Variants in MAP3K13 observed in about 807,000 individuals in gnomAD.
The protein encoded by MAP3K13 is mitogen-activated protein kinase kinase kinase 13.
A neutral mutation model predicts 104.0 loss-of-function variants in MAP3K13; 52 were observed. The ratio of observed to expected loss-of-function variants is 0.50; its 90% confidence interval spans 0.40 to 0.63. MAP3K13 has a LOEUF of 0.63. MAP3K13 is among the 20% of genes least tolerant of loss of function. The pLI is 0.00. For missense variants in MAP3K13, 914 were observed against 1,218.5 expected, an observed-to-expected ratio of 0.75 and a Z score of 3.72; for synonymous variants, 394 against 442.2, an observed-to-expected ratio of 0.89 and a Z score of 1.37.
intron 2 of MAP3K13, among the ~76,000 whole-genome samples, chr3:185,293,765 C>T (rs747602181): frequency 1.3e-5 from 2 of 152,126 alleles, no homozygotes; most frequent in Non-Finnish European, 1.5e-5. Context: ...GCACTAATGC[C>T]TTCCTACACA....
intron 2 of MAP3K13, among the ~76,000 whole-genome samples, chr3:185,289,448 T>C (rs1720652509): frequency 6.6e-6 from 1 of 152,170 alleles, no homozygotes; most frequent in African/African-American, 2.4e-5. Flanking sequence ...TCCACCAACC[T>C]TACCTCACCC....
intron 2 of MAP3K13, among the ~76,000 whole-genome samples, chr3:185,345,577 A>G (rs776580826): frequency 9.9e-5 from 15 of 152,162 alleles, no homozygotes; most frequent in Non-Finnish European, 1.6e-4. Context: ...TCATAGGAGC[A>G]GGAAACCTAT....
chr3:185,343,256 C>T (rs1241928481), intron 2 of MAP3K13, among the ~76,000 whole-genome samples: 8 of 152,202 alleles, frequency 5.3e-5, no homozygotes, highest in Middle Eastern at 3.4e-3. Flanking sequence ...GGTGTGAACA[C>T]GAGAAGGTAA....
intron 1 of MAP3K13, among the ~76,000 whole-genome samples, chr3:185,406,129 TA>T (rs1310832651): frequency 3.9e-5 from 6 of 152,146 alleles, no homozygotes; most frequent in Non-Finnish European, 8.8e-5. Context: ...CAGAAGAGTT[TA>T]AAAGGATTGG....
Position 185,354,491 on chromosome 3 carries a change from T to C in MAP3K13, c.-86+68848T>C, listed in dbSNP as rs146654362. 7.8e-3 allele frequency among the ~76,000 whole-genome samples: 1,174 copies of C among 150,804 alleles called. 16 individuals are homozygous for C. Among genetic ancestry groups the C allele is most frequent in the African/African-American group, 0.028 (1,131 of 41,062 alleles). The stretch of plus-strand genomic sequence containing the variant: ...GGAGCAGACCCTTAGCAGATAGATA[T>C]GTCCTGTCCCTTAGGGAAACATCTA... On this transcript the variant is annotated intron_variant, in intron 2 of 14. Coordinates refer to the MAP3K13 transcript ENST00000424227.
chr3:185,474,992 G>T (rs1335477854), intron 11 of MAP3K13, among the ~76,000 whole-genome samples: 1 of 151,754 alleles, frequency 6.6e-6, no homozygotes, highest in Non-Finnish European at 1.5e-5. Context: ...CTACTCAGGA[G>T]GCTGAGGCAG....
intron 2 of MAP3K13, among the ~76,000 whole-genome samples, chr3:185,323,385 G>A (rs1042013194): frequency 2.7e-5 from 4 of 145,702 alleles, no homozygotes; most frequent in African/African-American, 7.7e-5. Context: ...TGCCCAGGCC[G>A]GAGTGCAATG....
intron 10 of MAP3K13, among the ~76,000 whole-genome samples, chr3:185,470,432 C>A (rs574701263): frequency 6.6e-6 from 1 of 152,326 alleles, no homozygotes; most frequent in East Asian, 1.9e-4. Flanking sequence ...CCAGTGAAGA[C>A]TTGAAAACAG....
chr3:185,292,567 G>T, intron 2 of MAP3K13: 3 of 786,298 alleles, frequency 3.8e-6, no homozygotes, highest in Non-Finnish European at 4.6e-6. Context: ...GTTGTTGTGA[G>T]GATCAAATGA....
chr3:185,463,277 G>A (rs1429479120), intron 7 of MAP3K13, among the ~76,000 whole-genome samples: 3 of 152,120 alleles, frequency 2.0e-5, no homozygotes, highest in Non-Finnish European at 2.9e-5. Context: ...CCAGCATGCC[G>A]GCTGTGATGT....
intron 1 of MAP3K13, among the ~76,000 whole-genome samples, chr3:185,395,357 C>CTTTCTTTTTTTTTTTTTTTTTT (rs1553798321): frequency 4.3e-5 from 3 of 69,978 alleles, no homozygotes; most frequent in East Asian, 5.3e-4. Flanking sequence ...AATATTATTT[C>CTTTCTTTTTTTTTTTTTTTTTT]TTTTTTTTTT....
Position 185,394,086 on chromosome 3 carries a change from T to TGAG in MAP3K13, c.-86+30719_-86+30721dup, listed in dbSNP as rs1712239179. The stretch of plus-strand genomic sequence containing the variant: ...GGAAAGTTTTGGAGGCAAGGGAGAA[T>TGAG]GAGAGGTGGGGTCAGGGAAGAGGAT... On this transcript the variant is annotated intron_variant, in intron 1 of 13. Transcript: ENST00000265026. Among the ~76,000 whole-genome samples the TGAG allele has an allele frequency of 2.0e-5, 3 of 151,902 alleles. No homozygotes were observed. In the South Asian group the frequency reaches 6.2e-4, roughly 32 times the overall value.
intron 11 of MAP3K13, chr3:185,477,060 G>A (rs989734990): frequency 1.5e-5 from 9 of 589,334 alleles, no homozygotes; most frequent in South Asian, 1.4e-4. Flanking sequence ...CACTTTAATA[G>A]AGCCATCACC....
At position 185,484,536 on chromosome 3, in the gene MAP3K13, T is replaced by C. The variant is rs962837760; in HGVS notation, c.*2080T>C. On this transcript the variant is annotated 3_prime_UTR_variant, in exon 14 of 14. Transcript: ENST00000265026. ...GCTCCTCTGGGTTTTACTGATTGCA[T>C]CAGCCAAAAAGGAAAGGCAGGAGGG... 2.0e-5 allele frequency: 3 copies of C among 152,214 alleles called. No individual in the cohort carries two copies. The highest frequency in any genetic ancestry group is 7.2e-5 in the African/African-American group (3 of 41,448). The allele number at this position is 152,214 out of a possible 1,614,324, so 9.4% of individuals were successfully genotyped here.
chr3:185,363,895 T>C (rs1723752743), intron 1 of MAP3K13, among the ~76,000 whole-genome samples: 1 of 152,244 alleles, frequency 6.6e-6, no homozygotes, highest in Non-Finnish European at 1.5e-5. Context: ...CAACCATTTT[T>C]CAAAAGCTCT....
intron 2 of MAP3K13, among the ~76,000 whole-genome samples, chr3:185,355,388 AC>A (rs1345431206): frequency 6.6e-6 from 1 of 151,398 alleles, no homozygotes; most frequent in Non-Finnish European, 1.5e-5. Flanking sequence ...AATCACTTGA[AC>A]CCGAGAGGCG....
chr3:185,289,526 C>T (rs1720655350), intron 2 of MAP3K13, among the ~76,000 whole-genome samples: 1 of 152,116 alleles, frequency 6.6e-6, no homozygotes, highest in Non-Finnish European at 1.5e-5. Context: ...ACATGCTTTT[C>T]TCAGGTCCTT....
At chr3:185,478,678 C>T (rs540462006) in intron 12 of MAP3K13, among the ~76,000 whole-genome samples, 7 of 151,958 alleles carry the variant, frequency 4.6e-5, no homozygotes, top group Non-Finnish European at 7.4e-5. Flanking sequence ...TCAAGACCAT[C>T]CTGGCCAACA....
chr3:185,467,202 G>A (rs1717492978), intron 10 of MAP3K13, among the ~76,000 whole-genome samples: 1 of 152,184 alleles, frequency 6.6e-6, no homozygotes, highest in African/African-American at 2.4e-5. Flanking sequence ...GAAATAAACT[G>A]GGGGCCAGAC....
Sources: gnomAD v4.1 joint callset for allele counts (sites outside exome capture counted in the v4.1 genomes callset) on GRCh38, gnomAD v4.1.1 for gene constraint, MANE v1.5 for transcripts, NCBI Gene and HGNC (gene_info 2026-07-23, HGNC 2026-07-21) for gene names.